KLHL2: variants seen among roughly 807,000 people sequenced by gnomAD.
The protein encoded by KLHL2 is kelch-like protein 2.
KLHL2 carries 15 observed loss-of-function variants against 75.8 expected under a neutral mutation model. The ratio of observed to expected loss-of-function variants is 0.20; its 90% confidence interval spans 0.13 to 0.30. KLHL2 has a LOEUF of 0.30. Among genes scored for constraint, KLHL2 ranks in the 10% least tolerant of loss-of-function variants. The pLI is 1.00. For synonymous variants in KLHL2, 214 were observed against 251.9 expected (o/e 0.85, Z 1.42); for missense variants, 381 against 741.0 (o/e 0.51, Z 5.64).
intron 13 of KLHL2, among the ~76,000 whole-genome samples, chr4:165,317,115 CCATT>C (rs1215286017): frequency 6.6e-6 from 1 of 151,524 alleles, no homozygotes; most frequent in Non-Finnish European, 1.5e-5. Flanking sequence ...AAATAGCTAA[CCATT>C]CAGTGTGATA....
chr4:165,247,868 T>C (rs1485967276), intron 4 of KLHL2, among the ~76,000 whole-genome samples: 1 of 152,140 alleles, frequency 6.6e-6, no homozygotes, highest in Non-Finnish European at 1.5e-5. Flanking sequence ...GGGAGCTCAT[T>C]TGAGATTCGC....
intron 5 of KLHL2, among the ~76,000 whole-genome samples, chr4:165,267,149 T>C (rs1255169595): frequency 6.6e-6 from 1 of 152,220 alleles, no homozygotes; most frequent in Non-Finnish European, 1.5e-5. Flanking sequence ...TTGTGATTTT[T>C]GCACATTGAT....
intron 5 of KLHL2, among the ~76,000 whole-genome samples, chr4:165,290,796 G>A (rs927671102): frequency 1.3e-5 from 2 of 152,050 alleles, no homozygotes; most frequent in Non-Finnish European, 2.9e-5. Context: ...GTGAAACCCC[G>A]TCTCTACCAA....
rs567053403 is a variant in KLHL2 at position 165,321,149 on chromosome 4, C to T, written c.1754-883C>T. Among the ~76,000 whole-genome samples the T allele has an allele frequency of 3.3e-5, 5 of 152,176 alleles. No individual in the cohort carries two copies. In the East Asian group the frequency reaches 9.6e-4, roughly 29 times the overall value. Reference sequence around the variant, plus strand: ...AACATTTTTAGAGAAATGAAAAAAACAAAAAAGTCAGACAGGAATTAACAG... The same window carrying T: ...AACATTTTTAGAGAAATGAAAAAAATAAAAAAGTCAGACAGGAATTAACAG... On this transcript the variant is annotated intron_variant, in intron 14 of 14. Coordinates refer to ENST00000226725, the MANE Select transcript of KLHL2 (RefSeq NM_007246.4).
chr4:165,228,670 A>C, intron 2 of KLHL2, 137 bp from the exon 3 acceptor site: 1 of 583,956 alleles, frequency 1.7e-6, no homozygotes, highest in East Asian at 2.8e-5. Context: ...TTTAGGGATC[A>C]TGTCCCAAAG....
intron 8 of KLHL2, among the ~76,000 whole-genome samples, chr4:165,302,368 T>G (rs1236146881): frequency 6.6e-6 from 1 of 152,258 alleles, no homozygotes; most frequent in Non-Finnish European, 1.5e-5. Context: ...TATTTCATAG[T>G]AATGATGCCT....
rs1375492401 is a variant in KLHL2 at position 165,238,856 on chromosome 4, A to G, written c.338A>G (p.Tyr113Cys). Residue 113 changes from tyrosine to cysteine, a missense_variant, in exon 4 of 15, where the codon TAT (tyrosine) becomes TGT (cysteine). Physicochemically the swap from Tyr to Cys is radical, Grantham distance 194. Coordinates refer to ENST00000226725, the MANE Select transcript of KLHL2 (RefSeq NM_007246.4). ...TGGACCCTGAGGATGCTAATTGATT[A>G]TGTTTACACTGCAGAAATTCAGGTT... Reference protein sequence around the residue: ...DGWTLRMLIDYVYTAEIQVTE... With the variant: ...DGWTLRMLIDCVYTAEIQVTE... 6.8e-6 allele frequency: 11 copies of G among 1,614,128 alleles called. No individual in the cohort carries two copies. The highest frequency in any genetic ancestry group is 9.3e-6 in the Non-Finnish European group (11 of 1,180,010).
At chr4:165,300,992 A>G (rs1370947497) in intron 8 of KLHL2, among the ~76,000 whole-genome samples, 4 of 152,190 alleles carry the variant, frequency 2.6e-5, no homozygotes, top group Admixed American at 2.6e-4. Flanking sequence ...TTCTCAATTT[A>G]TAACTAACTG....
At chr4:165,302,823 C>T (rs893349967) in intron 8 of KLHL2, among the ~76,000 whole-genome samples, 3 of 152,114 alleles carry the variant, frequency 2.0e-5, no homozygotes, top group Non-Finnish European at 1.5e-5. Context: ...GTTTAATTGA[C>T]GTACATTTCA....
intron 3 of KLHL2, among the ~76,000 whole-genome samples, chr4:165,230,512 C>A (rs552298305): frequency 6.6e-6 from 1 of 151,048 alleles, no homozygotes; most frequent in South Asian, 2.1e-4. Context: ...CTTTTTTACT[C>A]TAACTTCCTA....
At chr4:165,306,529 A>T (rs1353634488) in intron 9 of KLHL2, among the ~76,000 whole-genome samples, 5 of 152,240 alleles carry the variant, frequency 3.3e-5, no homozygotes, top group Non-Finnish European at 7.3e-5. Context: ...GATTCAAAGG[A>T]TGTCTTAAAA....
At chr4:165,260,583 G>C (rs920487760) in intron 4 of KLHL2, among the ~76,000 whole-genome samples, 1 of 151,902 alleles carries the variant, frequency 6.6e-6, no homozygotes, top group Non-Finnish European at 1.5e-5. Context: ...TGTGTGGGGG[G>C]GGTGTATATG....
At chr4:165,282,263 A>G (rs1371084072) in intron 5 of KLHL2, among the ~76,000 whole-genome samples, 1 of 152,212 alleles carries the variant, frequency 6.6e-6, no homozygotes, top group Non-Finnish European at 1.5e-5. Context: ...ATTTACAGCA[A>G]GTGTGCAGTA....
intron 2 of KLHL2, among the ~76,000 whole-genome samples, chr4:165,222,569 A>C (rs1173517358): frequency 6.6e-6 from 1 of 152,132 alleles, no homozygotes; most frequent in Non-Finnish European, 1.5e-5. Flanking sequence ...TGTTTTAATG[A>C]AAGTGCCAAC....
At chr4:165,241,608 T>C (rs948459625) in intron 4 of KLHL2, among the ~76,000 whole-genome samples, 4 of 152,240 alleles carry the variant, frequency 2.6e-5, no homozygotes, top group African/African-American at 9.6e-5. Context: ...GTTTCTGTTT[T>C]AGTAGTAAAG....
intron 4 of KLHL2, among the ~76,000 whole-genome samples, chr4:165,242,966 C>T (rs1222334195): frequency 6.6e-6 from 1 of 152,262 alleles, no homozygotes; most frequent in East Asian, 1.9e-4. Context: ...ATAGGTGTTA[C>T]CCCAATGTGA....
chr4:165,258,513 G>A (rs967378953), intron 4 of KLHL2, among the ~76,000 whole-genome samples: 3 of 151,990 alleles, frequency 2.0e-5, no homozygotes, highest in Non-Finnish European at 4.4e-5. Flanking sequence ...GTGGCTGGGG[G>A]TTTATTGTAT....
intron 5 of KLHL2, among the ~76,000 whole-genome samples, chr4:165,291,545 G>T (rs906651779): frequency 3.9e-5 from 6 of 152,130 alleles, no homozygotes; most frequent in Non-Finnish European, 7.3e-5. Flanking sequence ...TTTGCATATG[G>T]ATGTTCAGTT....
chr4:165,250,318 A>G (rs1470189548), intron 4 of KLHL2, among the ~76,000 whole-genome samples: 3 of 152,214 alleles, frequency 2.0e-5, no homozygotes, highest in African/African-American at 7.2e-5. Context: ...TAGAAAGTTC[A>G]TCTTCAAGGT....
Sources: gnomAD v4.1 joint callset for allele counts (sites outside exome capture counted in the v4.1 genomes callset) on GRCh38, gnomAD v4.1.1 for gene constraint, MANE v1.5 for transcripts, NCBI Gene and HGNC (gene_info 2026-07-23, HGNC 2026-07-21) for gene names.